Variants in KIF5B observed in about 807,000 individuals in gnomAD.
KIF5B encodes kinesin-1 heavy chain.
A neutral mutation model predicts 132.8 loss-of-function variants in KIF5B; 49 were observed. The observed-to-expected ratio is 0.37, with a 90% CI of 0.29 to 0.47. KIF5B has a LOEUF of 0.47. KIF5B is among the 20% of genes least tolerant of loss of function. KIF5B has a pLI of 1.00. For synonymous variants in KIF5B, 355 were observed against 369.4 expected (o/e 0.96, Z 0.45); for missense variants, 780 against 1,144.0 (o/e 0.68, Z 4.59).
Position 32,056,305 on chromosome 10 carries a change from G to A in KIF5B, c.-332C>T, listed in dbSNP as rs948583679. The A allele has an allele frequency of 1.3e-5, 4 of 301,530 alleles. No homozygotes were observed. Among genetic ancestry groups the A allele is most frequent in the African/African-American group, 2.3e-5 (1 of 43,504 alleles). The allele number at this position is 301,530 out of a possible 1,614,324, so 18.7% of individuals were successfully genotyped here. ...GGGGCTGGGGAGGTTCTGGGGACCG[G>A]GAGAGTGGCCACCTTCTTCCTCCTC... is the stretch of plus-strand genomic sequence containing the variant. On this transcript the variant is annotated 5_prime_UTR_variant, in exon 1 of 26. Coordinates refer to ENST00000302418, the MANE Select transcript of KIF5B (RefSeq NM_004521.3).
chr10:32,022,413 T>A (rs1261775668), intron 16 of KIF5B, among the ~76,000 whole-genome samples, 156 bp from the exon 17 acceptor site: 1 of 152,212 alleles, frequency 6.6e-6, no homozygotes, highest in Non-Finnish European at 1.5e-5. Context: ...AAGAATGTAA[T>A]CAATTAATTC....
intron 17 of KIF5B, 51 bp downstream of exon 17, chr10:32,022,089 T>C (rs1332412062): frequency 2.3e-6 from 2 of 870,964 alleles, no homozygotes; most frequent in African/African-American, 3.4e-5. Flanking sequence ...TTACTACAAT[T>C]ATACTAAAAT....
chr10:32,035,635 T>C lies in KIF5B; in HGVS notation c.849A>G (p.Thr283=), dbSNP rs777615546. ...CACCTAATGAATCTTGAAGGATTCT[T>C]GTCATTTTACTATCTCGATATGGAA... ...TYVPYRDSKM[T]RILQDSLGGN... Residue 283 remains threonine (T), a synonymous_variant, in exon 10 of 26, where the codon ACA becomes ACG. Transcript: ENST00000302418. 6.2e-7 allele frequency: 1 copy of C among 1,612,898 alleles called. No homozygotes were observed. Among genetic ancestry groups the C allele is most frequent in the Non-Finnish European group, 8.5e-7 (1 of 1,179,376 alleles).
chr10:32,052,452 C>A (rs1453383768), intron 1 of KIF5B, among the ~76,000 whole-genome samples: 1 of 152,210 alleles, frequency 6.6e-6, no homozygotes, highest in South Asian at 2.1e-4. Context: ...TTTCTCGGAA[C>A]TACCACAGCT....
At chr10:32,012,607 T>G (rs1317012282) in intron 25 of KIF5B, among the ~76,000 whole-genome samples, 1 of 152,198 alleles carries the variant, frequency 6.6e-6, no homozygotes, top group African/African-American at 2.4e-5. Context: ...ACATCATAAC[T>G]TTCAAGTCTT....
Position 32,022,992 on chromosome 10 carries a change from T to G in KIF5B, c.1770A>C (p.Ala590=). 1 of 1,611,980 alleles carries G rather than the reference T, an allele frequency of 6.2e-7. No individual in the cohort carries two copies. Among genetic ancestry groups the G allele is most frequent in the South Asian group, 1.1e-5 (1 of 90,712 alleles). Reference sequence around the variant, plus strand: ...ACTTCATTTTGCTAATGTAGAGTCTTGCAACAGTGAACTCTTCATCTATCA... The same window carrying G: ...ACTTCATTTTGCTAATGTAGAGTCTGGCAACAGTGAACTCTTCATCTATCA... The part of the protein sequence containing the change: ...TGMIDEEFTV[A]RLYISKMKSE... Residue 590 remains alanine (A), a synonymous_variant, in exon 16 of 26, where the codon GCA becomes GCC. Coordinates refer to ENST00000302418, the MANE Select transcript of KIF5B (RefSeq NM_004521.3).
chr10:32,031,412 T>A, intron 13 of KIF5B, 133 bp from the exon 14 acceptor site: 2 of 679,234 alleles, frequency 2.9e-6, no homozygotes, highest in Non-Finnish European at 5.0e-6. Context: ...ATTTATTCAT[T>A]AAACAGATTT....
chr10:32,045,885 CAA>C (rs774020902), intron 2 of KIF5B, among the ~76,000 whole-genome samples: 1 of 152,094 alleles, frequency 6.6e-6, no homozygotes, highest in Admixed American at 6.5e-5. Flanking sequence ...GCTGAATACC[CAA>C]ACAGTGTGAT....
chr10:32,034,737 C>T lies in KIF5B; in HGVS notation c.1064G>A (p.Arg355Gln), dbSNP rs141896420. ...ATTTTCAAGCCACTGAATAGTGTTC[C>T]GCAGGATCTTATTTTTTTCTTTTTC... ...EKEKEKNKIL[R>Q]NTIQWLENEL... The change falls in exon 11 of 26, where the codon CGG (arginine) becomes CAG (glutamine). Residue 355 changes from arginine (R) to glutamine (Q), a missense_variant. Physicochemically the swap from Arg to Gln is conservative, Grantham distance 43. This residue lies in a region of KIF5B where 471 missense variants were observed against 569.9 expected (regional missense o/e 0.83). Transcript: ENST00000302418. 27 of 1,608,590 alleles carry T rather than the reference C, an allele frequency of 1.7e-5. No homozygotes were observed. Among genetic ancestry groups the T allele is most frequent in the Admixed American group, 3.4e-5 (2 of 59,142 alleles).
intron 2 of KIF5B, among the ~76,000 whole-genome samples, chr10:32,043,733 A>C (rs1841573522): frequency 6.6e-6 from 1 of 151,310 alleles, no homozygotes; most frequent in Non-Finnish European, 1.5e-5. Context: ...AAATCTACAG[A>C]TAGGGAATGT....
intron 16 of KIF5B, 88 bp from the exon 17 acceptor site, chr10:32,022,345 A>G: frequency 3.0e-6 from 2 of 667,482 alleles, no homozygotes; most frequent in Non-Finnish European, 5.2e-6. Context: ...TTATCTATAT[A>G]TGATAAATTT....
chr10:32,036,464 G>A (rs1473174833), intron 8 of KIF5B, among the ~76,000 whole-genome samples: 1 of 151,750 alleles, frequency 6.6e-6, no homozygotes, highest in Non-Finnish European at 1.5e-5. Context: ...CTGTCACCCA[G>A]GCTGGAGTGC....
At chr10:32,022,687 A>G (rs74543705) in intron 16 of KIF5B, among the ~76,000 whole-genome samples, 161 bp downstream of exon 16, 2,237 of 152,294 alleles carry the variant, frequency 0.015, 22 homozygotes, top group Non-Finnish European at 0.022. Flanking sequence ...ATGTTAGGCA[A>G]ATATAACTCA....
chr10:32,030,286 G>GT (rs1841385704), intron 14 of KIF5B, among the ~76,000 whole-genome samples: 2 of 152,270 alleles, frequency 1.3e-5, no homozygotes, highest in East Asian at 3.9e-4. Flanking sequence ...GGAGGCTGAG[G>GT]TGGGTGGATC....
chr10:32,047,147 C>T (rs1437142429), intron 2 of KIF5B, among the ~76,000 whole-genome samples: 3 of 152,080 alleles, frequency 2.0e-5, no homozygotes, highest in Admixed American at 6.5e-5. Flanking sequence ...ATCGTAAAGT[C>T]GAACAATTTT....
intron 10 of KIF5B, 64 bp from the exon 11 acceptor site, chr10:32,034,902 G>A: frequency 7.9e-7 from 1 of 1,269,396 alleles, no homozygotes; most frequent in Middle Eastern, 2.8e-4. Flanking sequence ...TTATCTATAT[G>A]GAATATATGT....
rs1291664273 is a variant in KIF5B, at chr10:32,055,861, G to GT, written c.112dup (p.Thr38AsnfsTer12). 6.2e-7 allele frequency: 1 copy of GT among 1,612,610 alleles called. No individual in the cohort carries two copies. Among genetic ancestry groups the GT allele is most frequent in the Non-Finnish European group, 8.5e-7 (1 of 1,179,802 alleles). On this transcript the variant is annotated frameshift_variant, in exon 1 of 26. Transcript: ENST00000302418. LOFTEE classifies it high-confidence loss of function. The stretch of plus-strand genomic sequence containing the variant: ...GGGGTCACTCACCGCGATCACGACC[G>GT]TGTCTTCTCCCTGAAACTTGGCGAT...
intron 25 of KIF5B, among the ~76,000 whole-genome samples, chr10:32,014,008 A>G (rs1592435455): frequency 1.3e-5 from 2 of 152,218 alleles, no homozygotes; most frequent in African/African-American, 4.8e-5. Context: ...ATAAACAAGC[A>G]ACATTAAAAT....
intron 1 of KIF5B, among the ~76,000 whole-genome samples, chr10:32,048,783 G>A (rs560218905): frequency 2.0e-5 from 3 of 152,248 alleles, no homozygotes; most frequent in Non-Finnish European, 2.9e-5. Context: ...CCAGGGCCCA[G>A]TAATTACAAT....
Sources: gnomAD v4.1 joint callset for allele counts (sites outside exome capture counted in the v4.1 genomes callset) on GRCh38, gnomAD v4.1.1 for gene constraint, gnomAD v4.1.1 regional missense constraint, MANE v1.5 for transcripts, NCBI Gene and HGNC (gene_info 2026-07-23, HGNC 2026-07-21) for gene names.